Variants in CABLES1 observed in about 807,000 individuals in gnomAD.
The protein encoded by CABLES1 is Cdk5 and Abl enzyme substrate 1, also known as CDK5 and ABL1 enzyme substrate 1.
A neutral mutation model predicts 57.8 loss-of-function variants in CABLES1; 36 were observed. The ratio of observed to expected loss-of-function variants is 0.62; its 90% CI spans 0.48 to 0.82. CABLES1 has a LOEUF of 0.82. CABLES1 is among the 40% of genes least tolerant of loss of function. The pLI, the probability that CABLES1 is intolerant of heterozygous loss-of-function variation, is 0.00. For synonymous variants in CABLES1, 374 were observed against 363.0 expected (o/e 1.03, Z -0.35); for missense variants, 767 against 836.6 (o/e 0.92, Z 1.03).
intron 2 of CABLES1, among the ~76,000 whole-genome samples, chr18:23,189,991 T>G (rs1488633325): frequency 6.6e-6 from 1 of 152,206 alleles, no homozygotes; most frequent in Non-Finnish European, 1.5e-5. Flanking sequence ...TAGTCCCATC[T>G]CCACTTTTGG....
At chr18:23,163,838 T>C (rs552041979) in intron 1 of CABLES1, among the ~76,000 whole-genome samples, 128 of 152,304 alleles carry the variant, frequency 8.4e-4, no homozygotes, top group Non-Finnish European at 1.5e-3. Flanking sequence ...CTCTCCCAAA[T>C]AGCTTTTGCT....
chr18:23,179,917 ATTTTTGT>A (rs1052135764), intron 1 of CABLES1, among the ~76,000 whole-genome samples: 6 of 151,358 alleles, frequency 4.0e-5, no homozygotes, highest in African/African-American at 1.5e-4. Context: ...TTTTGTTTTT[ATTTTTGT>A]TTTTTGTTTT....
chr18:23,183,186 G>A (rs2047179311), intron 1 of CABLES1, among the ~76,000 whole-genome samples: 1 of 152,138 alleles, frequency 6.6e-6, no homozygotes, highest in South Asian at 2.1e-4. Context: ...TAGAAATACT[G>A]GCCCTCGGGC....
intron 3 of CABLES1, among the ~76,000 whole-genome samples, chr18:23,194,791 G>A (rs955136586): frequency 2.0e-5 from 3 of 152,210 alleles, no homozygotes; most frequent in Admixed American, 6.5e-5. Context: ...CTGAGTTTTT[G>A]AGAACACATG....
rs1052205316 is a variant in CABLES1, at chr18:23,197,037, A to C, written c.1010+2497A>C. 4 of 152,266 alleles carry C rather than the reference A, an allele frequency of 2.6e-5. No individual in the cohort carries two copies. The East Asian group carries it at 7.7e-4, about 29-fold the overall frequency. The allele number at this position is 152,266 out of a possible 1,614,324, so 9.4% of individuals were successfully genotyped here. On this transcript the variant is annotated intron_variant, in intron 3 of 9. Transcript: ENST00000256925. ...ATTTGGACTTCTCATCTCAGCAAGG[A>C]CCAGAGTGCAGCTCAAGAAATGAAC...
In CABLES1 at chr18:23,253,628, GGAAAGA is replaced by G. The variant is rs1258554167; in HGVS notation, c.1554-90_1554-85del. 1.2e-5 allele frequency: 12 copies of G among 991,260 alleles called. No homozygotes were observed. The East Asian group carries it at 2.6e-4, about 22-fold the overall frequency. The allele number at this position is 991,260 out of a possible 1,614,324, so 61.4% of individuals were successfully genotyped here. ...TAATCCCAGTCCAGATCACCCTCTG[GGAAAGA>G]GAAAGAGAAAAAGCATTCAAGATGG... On this transcript the variant is annotated intron_variant, in intron 8 of 9. Coordinates refer to ENST00000256925, the MANE Select transcript of CABLES1 (RefSeq NM_001100619.3).
rs1598802831 is a variant in CABLES1, at chr18:23,157,037, A to G, written c.845+20430A>G. 2.0e-5 allele frequency among the ~76,000 whole-genome samples: 3 copies of G among 152,230 alleles called. No individual in the cohort carries two copies. In the South Asian group the frequency reaches 6.2e-4, roughly 32 times the overall value. ...ATTTTTTGCCACTTTGTACACACTCATGTCAGCGAAATAACCATGAAAGTG... is the reference window on the plus strand; with the variant it reads ...ATTTTTTGCCACTTTGTACACACTCGTGTCAGCGAAATAACCATGAAAGTG... On this transcript the variant is annotated intron_variant, in intron 1 of 9. Transcript: ENST00000256925.
chr18:23,246,541 G>GC (rs1253098948), intron 7 of CABLES1, among the ~76,000 whole-genome samples: 4 of 151,564 alleles, frequency 2.6e-5, no homozygotes, highest in African/African-American at 7.3e-5. Flanking sequence ...ACAGGCACCC[G>GC]CCACCACACC....
At chr18:23,155,525 C>T (rs1001079090) in intron 1 of CABLES1, among the ~76,000 whole-genome samples, 3 of 152,186 alleles carry the variant, frequency 2.0e-5, no homozygotes, top group African/African-American at 7.2e-5. Flanking sequence ...CTTTTTATAA[C>T]CCTGGCAAAA....
At chr18:23,192,719 T>C (rs1312848698) in intron 2 of CABLES1, among the ~76,000 whole-genome samples, 1 of 152,208 alleles carries the variant, frequency 6.6e-6, no homozygotes, top group Non-Finnish European at 1.5e-5. Context: ...CTCTTTCCAG[T>C]GACTCCATGT....
chr18:23,186,516 C>T (rs1214106210), intron 1 of CABLES1, among the ~76,000 whole-genome samples: 2 of 151,716 alleles, frequency 1.3e-5, no homozygotes, highest in Non-Finnish European at 2.9e-5. Flanking sequence ...ACCTCTGCCT[C>T]CTGGGTTCAA....
chr18:23,249,054 C>T (rs1223630179), intron 7 of CABLES1, among the ~76,000 whole-genome samples: 1 of 152,092 alleles, frequency 6.6e-6, no homozygotes, highest in African/African-American at 2.4e-5. Context: ...CTCTGCTGTG[C>T]TCTACACCTG....
chr18:23,185,876 A>T (rs1458294124), intron 1 of CABLES1, among the ~76,000 whole-genome samples: 1 of 152,196 alleles, frequency 6.6e-6, no homozygotes, highest in East Asian at 1.9e-4. Flanking sequence ...TGAGTGTTTT[A>T]CTTTGGATTT....
At chr18:23,184,511 T>C (rs917542459) in intron 1 of CABLES1, among the ~76,000 whole-genome samples, 5 of 152,178 alleles carry the variant, frequency 3.3e-5, no homozygotes, top group Non-Finnish European at 7.4e-5. Flanking sequence ...GAGACCTGCC[T>C]GGCCAATGTG....
chr18:23,183,022 C>T (rs951994187), intron 1 of CABLES1, among the ~76,000 whole-genome samples: 1 of 152,238 alleles, frequency 6.6e-6, no homozygotes, highest in Non-Finnish European at 1.5e-5. Flanking sequence ...TCCTCAGAGT[C>T]GCTGCAAATC....
intron 1 of CABLES1, among the ~76,000 whole-genome samples, chr18:23,154,493 G>C (rs939550770): frequency 3.9e-5 from 6 of 152,146 alleles, no homozygotes; most frequent in African/African-American, 2.4e-5. Context: ...GTAAAGAGGG[G>C]GAGACGATAT....
At chr18:23,166,395 G>T (rs1663616499) in intron 1 of CABLES1, among the ~76,000 whole-genome samples, 1 of 152,018 alleles carries the variant, frequency 6.6e-6, no homozygotes, top group South Asian at 2.1e-4. Context: ...GTGAGACTGG[G>T]TTTCACTATG....
At chr18:23,219,914 A>AT (rs200380105) in intron 4 of CABLES1, among the ~76,000 whole-genome samples, 1,938 of 152,100 alleles carry the variant, frequency 0.013, 13 homozygotes, top group African/African-American at 0.025. Context: ...TAAAATTGAG[A>AT]TTTTTTAAAA....
intron 3 of CABLES1, among the ~76,000 whole-genome samples, chr18:23,202,594 A>G (rs985533923): frequency 1.3e-5 from 2 of 152,226 alleles, no homozygotes; most frequent in African/African-American, 4.8e-5. Flanking sequence ...GCCATTAGAT[A>G]CACCCTTGAA....
Sources: allele counts gnomAD v4.1 joint callset (sites outside exome capture counted in the v4.1 genomes callset), GRCh38; gene constraint gnomAD v4.1.1; transcripts MANE v1.5; gene names NCBI Gene and HGNC (gene_info 2026-07-23, HGNC 2026-07-21).